CSMD1: variants seen among roughly 807,000 people sequenced by gnomAD.
CSMD1 encodes the protein CUB and sushi domain-containing protein 1.
A neutral mutation model predicts 417.5 loss-of-function variants in CSMD1; 213 were observed. The observed-to-expected ratio is 0.51, with a 90% CI of 0.46 to 0.57. The LOEUF (loss-of-function observed/expected upper bound fraction) is 0.57, where lower values mean the gene tolerates loss of function less well. Ranked by LOEUF, CSMD1 falls within the 20% of genes least tolerant of loss-of-function variation. The pLI is 0.00. For synonymous variants in CSMD1, 2,862 were observed against 1,736.8 expected (o/e 1.65, Z -16.11); for missense variants, 6,923 against 4,529.7 (o/e 1.53, Z -15.17).
At chr8:4,406,044 G>A (rs1425510057) in intron 3 of CSMD1, among the ~76,000 whole-genome samples, 1 of 152,114 alleles carries the variant, frequency 6.6e-6, no homozygotes, top group Non-Finnish European at 1.5e-5. Flanking sequence ...ACTGGCTGCT[G>A]GAAACAATGC....
At chr8:4,942,328 G>C (rs1421322541) in intron 1 of CSMD1, among the ~76,000 whole-genome samples, 3 of 151,950 alleles carry the variant, frequency 2.0e-5, no homozygotes, top group Non-Finnish European at 4.4e-5. Flanking sequence ...AACTCTGACA[G>C]ATAGAATAAC....
At chr8:3,931,904 G>GA (rs749093840) in intron 5 of CSMD1, among the ~76,000 whole-genome samples, 8,794 of 125,140 alleles carry the variant, frequency 0.07, 609 homozygotes, top group Middle Eastern at 0.12. Flanking sequence ...AAAAGAAACA[G>GA]AAAAAAAAAA....
intron 1 of CSMD1, among the ~76,000 whole-genome samples, chr8:4,797,299 G>A (rs1238425433): frequency 6.6e-6 from 1 of 152,188 alleles, no homozygotes; most frequent in Admixed American, 6.5e-5. Flanking sequence ...AAACAATGAT[G>A]CTGCTCTTGC....
At chr8:3,187,841 A>T (rs1198296131) in intron 36 of CSMD1, 28 bp downstream of exon 36, 1 of 1,556,336 alleles carries the variant, frequency 6.4e-7, no homozygotes, top group Non-Finnish European at 8.9e-7. Context: ...TTTGAGTCAC[A>T]CAGGTGAGGA....
intron 36 of CSMD1, among the ~76,000 whole-genome samples, chr8:3,182,815 G>GGACTCTGACTGA (rs1554454739): frequency 2.0e-5 from 2 of 97,662 alleles, no homozygotes; most frequent in Admixed American, 2.6e-4. Context: ...TGGTCTCGGG[G>GGACTCTGACTGA]GACTCTGGCT....
intron 3 of CSMD1, among the ~76,000 whole-genome samples, chr8:4,347,276 T>G (rs1800826266): frequency 6.6e-6 from 1 of 152,132 alleles, no homozygotes; most frequent in Admixed American, 6.6e-5. Context: ...AATCTCACCT[T>G]GGCCCTCTCT....
intron 68 of CSMD1, among the ~76,000 whole-genome samples, chr8:2,944,224 G>A (rs933965053): frequency 2.0e-5 from 3 of 152,210 alleles, no homozygotes; most frequent in Admixed American, 2.0e-4. Flanking sequence ...CCAATTGGGT[G>A]TTCCCACCCC....
At chr8:4,706,779 G>T (rs1034617830) in intron 1 of CSMD1, among the ~76,000 whole-genome samples, 1 of 152,202 alleles carries the variant, frequency 6.6e-6, no homozygotes, top group Non-Finnish European at 1.5e-5. Flanking sequence ...GGCAACAGAA[G>T]ACGCATTTGA....
intron 8 of CSMD1, among the ~76,000 whole-genome samples, chr8:3,602,390 G>C (rs935414746): frequency 6.6e-6 from 1 of 152,156 alleles, no homozygotes; most frequent in Non-Finnish European, 1.5e-5. Flanking sequence ...AATCACCTGA[G>C]ATTCTGAAGA....
rs138571685 is a variant in CSMD1, at chr8:3,325,753, G to A, written c.3632-17250C>T. ...GCAAGGGAATTGCTTGAACCCGGGA[G>A]GCAGAGGTTGCAGTGAGCCGAGACT... is the stretch of plus-strand genomic sequence containing the variant. On this transcript the variant is annotated intron_variant, in intron 23 of 69. Coordinates refer to ENST00000635120, the MANE Select transcript of CSMD1 (RefSeq NM_033225.6). Among the ~76,000 whole-genome samples, 511 of 152,262 alleles carry A rather than the reference G, an allele frequency of 3.4e-3. 2 individuals are homozygous for A. Among genetic ancestry groups the A allele is most frequent in the Non-Finnish European group, 5.5e-3 (372 of 68,010 alleles).
chr8:4,271,928 A>G (rs1487386808), intron 3 of CSMD1, among the ~76,000 whole-genome samples: 1 of 152,136 alleles, frequency 6.6e-6, no homozygotes, highest in Non-Finnish European at 1.5e-5. Flanking sequence ...ATACATAGCA[A>G]AATACCTGCC....
At chr8:3,680,061 T>C (rs1462440931) in intron 7 of CSMD1, among the ~76,000 whole-genome samples, 8 of 151,808 alleles carry the variant, frequency 5.3e-5, no homozygotes, top group African/African-American at 1.9e-4. Flanking sequence ...TTTATAACAC[T>C]AAATGCCCAC....
chr8:4,245,095 C>G (rs959807935), intron 3 of CSMD1, among the ~76,000 whole-genome samples: 1 of 152,098 alleles, frequency 6.6e-6, no homozygotes, highest in Non-Finnish European at 1.5e-5. Flanking sequence ...GAATGAATAA[C>G]GACCCTCAAG....
At chr8:4,060,809 G>C (rs1798932071) in intron 3 of CSMD1, among the ~76,000 whole-genome samples, 2 of 152,082 alleles carry the variant, frequency 1.3e-5, no homozygotes, top group Admixed American at 1.3e-4. Flanking sequence ...GGTAGGAATG[G>C]GGCAAGGACT....
At chr8:4,019,592 G>A (rs1050985856) in intron 4 of CSMD1, among the ~76,000 whole-genome samples, 1 of 152,132 alleles carries the variant, frequency 6.6e-6, no homozygotes, top group Non-Finnish European at 1.5e-5. Context: ...GCTCTTGCTG[G>A]CTGCTTGTTG....
At chr8:4,043,608 A>C (rs1798002468) in intron 3 of CSMD1, among the ~76,000 whole-genome samples, 1 of 152,242 alleles carries the variant, frequency 6.6e-6, no homozygotes, top group South Asian at 2.1e-4. Flanking sequence ...GAATAGCCAA[A>C]CTGGAATTTC....
chr8:3,668,469 A>G (rs1174810940), intron 7 of CSMD1, among the ~76,000 whole-genome samples: 4 of 152,118 alleles, frequency 2.6e-5, no homozygotes. Flanking sequence ...GAGATGATAG[A>G]GTTTGGGGGA....
chr8:2,963,520 A>T (rs535570222), intron 59 of CSMD1, 125 bp from the exon 60 acceptor site: 2 of 919,558 alleles, frequency 2.2e-6, no homozygotes, highest in Non-Finnish European at 3.3e-6. Flanking sequence ...TTAAAAAAAA[A>T]TAATAAAAGA....
intron 1 of CSMD1, among the ~76,000 whole-genome samples, chr8:4,929,799 C>A (rs902516951): frequency 1.3e-5 from 2 of 152,120 alleles, no homozygotes; most frequent in African/African-American, 4.8e-5. Context: ...GAGAATTCAG[C>A]CACCTCCACA....
Sources: gnomAD v4.1 joint callset for allele counts (sites outside exome capture counted in the v4.1 genomes callset) on GRCh38, gnomAD v4.1.1 for gene constraint, MANE v1.5 for transcripts, NCBI Gene and HGNC (gene_info 2026-07-23, HGNC 2026-07-21) for gene names.